ARB2A: variants seen among roughly 807,000 people sequenced by gnomAD.
ARB2A encodes the protein cotranscriptional regulator ARB2A.
the ARB2A span, among the ~76,000 whole-genome samples, chr5:93,771,712 C>T: frequency 3.9e-5 from 6 of 152,170 alleles, no homozygotes; most frequent in African/African-American, 1.4e-4. Context: ...AAAATGCTCA[C>T]CATCACTGGC....
At chr5:93,849,163 T>G in the ARB2A span, among the ~76,000 whole-genome samples, 121 of 152,222 alleles carry the variant, frequency 7.9e-4, 1 homozygote, top group Middle Eastern at 3.4e-3. Flanking sequence ...TGGGAGCACG[T>G]CGTAGCTCAA....
the ARB2A span, among the ~76,000 whole-genome samples, chr5:93,638,944 T>C: frequency 1.3e-5 from 2 of 152,232 alleles, no homozygotes; most frequent in Non-Finnish European, 2.9e-5. Flanking sequence ...TAAACAATCA[T>C]ATCATGTATG....
chr5:94,111,066 C>G, the ARB2A span, among the ~76,000 whole-genome samples: 1 of 152,196 alleles, frequency 6.6e-6, no homozygotes, highest in Non-Finnish European at 1.5e-5. Flanking sequence ...ATGCATGTTA[C>G]AAGTTTTGAG....
the ARB2A span, among the ~76,000 whole-genome samples, chr5:93,934,829 TG>T: frequency 6.6e-6 from 1 of 151,988 alleles, no homozygotes; most frequent in Non-Finnish European, 1.5e-5. Flanking sequence ...TAACCTGCTC[TG>T]GACTTCTTGT....
chr5:93,851,702 T>C, the ARB2A span, among the ~76,000 whole-genome samples: 1 of 152,028 alleles, frequency 6.6e-6, no homozygotes, highest in Non-Finnish European at 1.5e-5. Flanking sequence ...GAATATGTGG[T>C]GTTTGGTTTT....
chr5:94,049,870 G>T, the ARB2A span, among the ~76,000 whole-genome samples: 1 of 151,962 alleles, frequency 6.6e-6, no homozygotes, highest in African/African-American at 2.4e-5. Context: ...GCATAAATTT[G>T]TTTTCTTATG....
chr5:93,739,792 A>T, the ARB2A span: 2 of 152,110 alleles, frequency 1.3e-5, no homozygotes, highest in African/African-American at 4.8e-5. Context: ...TTCCCAGGGA[A>T]CCAAATAGAG....
the ARB2A span, among the ~76,000 whole-genome samples, chr5:94,083,168 C>T: frequency 1.3e-5 from 2 of 152,138 alleles, no homozygotes; most frequent in Non-Finnish European, 2.9e-5. Flanking sequence ...TGAATGTTAG[C>T]CATTTATATT....
chr5:94,086,336 G>A, the ARB2A span, among the ~76,000 whole-genome samples: 1 of 152,110 alleles, frequency 6.6e-6, no homozygotes, highest in African/African-American at 2.4e-5. Context: ...TTAAGACAGT[G>A]GCCCCATAGG....
At chr5:93,887,395 C>G in the ARB2A span, among the ~76,000 whole-genome samples, 3 of 151,644 alleles carry the variant, frequency 2.0e-5, no homozygotes, top group East Asian at 5.8e-4. Context: ...CATAAAGAAA[C>G]TACAGTTTTA....
chr5:93,624,418 G>A, the ARB2A span, among the ~76,000 whole-genome samples: 1 of 152,272 alleles, frequency 6.6e-6, no homozygotes, highest in South Asian at 2.1e-4. Context: ...AATATAAGGA[G>A]TAAAATGTTT....
the ARB2A span, among the ~76,000 whole-genome samples, chr5:93,909,840 T>G: frequency 6.6e-6 from 1 of 150,960 alleles, no homozygotes; most frequent in Non-Finnish European, 1.5e-5. Flanking sequence ...AACAATATTT[T>G]AAGTCTTAAA....
chr5:93,635,843 ATTAT>A, the ARB2A span, among the ~76,000 whole-genome samples: 1 of 152,202 alleles, frequency 6.6e-6, no homozygotes, highest in African/African-American at 2.4e-5. Flanking sequence ...AGGCTTCCAA[ATTAT>A]TTATCCCAGA....
At chr5:94,052,005 G>C in the ARB2A span, among the ~76,000 whole-genome samples, 1 of 151,976 alleles carries the variant, frequency 6.6e-6, no homozygotes, top group African/African-American at 2.4e-5. Context: ...TTTTTTAGTA[G>C]AGATGAGGTT....
the ARB2A span, among the ~76,000 whole-genome samples, chr5:93,696,211 G>A: frequency 7.9e-5 from 12 of 152,066 alleles, no homozygotes; most frequent in Non-Finnish European, 1.3e-4. Flanking sequence ...CACAATGACA[G>A]CCTGTTCCCT....
At chr5:93,950,515 T>C in the ARB2A span, among the ~76,000 whole-genome samples, 1 of 152,042 alleles carries the variant, frequency 6.6e-6, no homozygotes, top group South Asian at 2.1e-4. Flanking sequence ...TGGTGGTGCA[T>C]ACCTGTAATC....
At chr5:94,110,611 T>C in the ARB2A span, among the ~76,000 whole-genome samples, 1 of 152,188 alleles carries the variant, frequency 6.6e-6, no homozygotes, top group Admixed American at 6.5e-5. Flanking sequence ...GTTTCTACAT[T>C]CGCTAAATGT....
At chr5:93,739,291 A>G in the ARB2A span, 4 of 152,276 alleles carry the variant, frequency 2.6e-5, no homozygotes, top group South Asian at 8.3e-4. Context: ...AAAATTATCT[A>G]AAAAAGAACA....
chr5:93,758,887 A>G, the ARB2A span, among the ~76,000 whole-genome samples: 3 of 152,136 alleles, frequency 2.0e-5, no homozygotes, highest in African/African-American at 7.2e-5. Flanking sequence ...AAAAGGAAAT[A>G]ACCAAGATTA....
Sources: allele counts gnomAD v4.1 joint callset (sites outside exome capture counted in the v4.1 genomes callset), GRCh38; gene constraint gnomAD v4.1.1; transcripts MANE v1.5; gene names NCBI Gene and HGNC (gene_info 2026-07-23, HGNC 2026-07-21).